Variants in USP36 observed in about 807,000 individuals in gnomAD.
USP36 encodes the protein ubiquitin specific peptidase 36, also known as ubiquitin carboxyl-terminal hydrolase 36.
Under a neutral mutation model 111.5 loss-of-function variants are expected in USP36, and 59 were observed. The observed-to-expected ratio is 0.53, with a 90% CI of 0.43 to 0.66. The LOEUF (loss-of-function observed/expected upper bound fraction) is 0.66, where lower values mean the gene tolerates loss of function less well. USP36 is among the 30% of genes least tolerant of loss of function. The pLI is 0.00. For synonymous variants in USP36, 628 were observed against 581.0 expected, an observed-to-expected ratio of 1.08 and a Z score of -1.16; for missense variants, 1,488 against 1,468.0, an observed-to-expected ratio of 1.01 and a Z score of -0.22.
At chr17:78,801,976 G>GGGTCCCA (rs1385095710) in intron 17 of USP36, among the ~76,000 whole-genome samples, 2 of 152,084 alleles carry the variant, frequency 1.3e-5, no homozygotes, top group East Asian at 3.9e-4. Context: ...AAGGTTGGTA[G>GGGTCCCA]GGTCCCAGGG....
chr17:78,817,783 T>C (rs552741241), intron 10 of USP36, among the ~76,000 whole-genome samples: 1 of 151,208 alleles, frequency 6.6e-6, no homozygotes, highest in Admixed American at 6.6e-5. Context: ...ACATCTTCTA[T>C]GAAAATGCCA....
chr17:78,789,197 CAAAAAAAAAAAAAA>C (rs869247026), intron 3 of USP36, among the ~76,000 whole-genome samples: 8 of 65,904 alleles, frequency 1.2e-4, no homozygotes, highest in Non-Finnish European at 2.0e-4. Flanking sequence ...AACTTGGTCC[CAAAAAAAAAAAAAA>C]AAAAAAAAAG....
chr17:78,823,165 G>A (rs1034988480), intron 6 of USP36: 7 of 398,556 alleles, frequency 1.8e-5, no homozygotes, highest in Non-Finnish European at 3.1e-5. Flanking sequence ...GACCAATACA[G>A]GATCATTCAA....
Position 78,818,796 on chromosome 17 carries a change from A to C in USP36, c.912-18T>G, listed in dbSNP as rs369604331. The C allele has an allele frequency of 1.2e-6, 2 of 1,612,590 alleles. No homozygotes were observed. The highest frequency in any genetic ancestry group is 2.7e-5 in the African/African-American group (2 of 74,880). On this transcript the variant is annotated intron_variant, in intron 9 of 20. Coordinates refer to ENST00000449938, the MANE Select transcript of USP36 (RefSeq NM_001385174.1). ...TCTTGCATCTATGAAGAAGGTGATG[A>C]GAAAGATTAATGAATGATTGATTCG...
chr17:78,816,228 T>C (rs1273980770), intron 10 of USP36, among the ~76,000 whole-genome samples: 2 of 151,820 alleles, frequency 1.3e-5, no homozygotes, highest in South Asian at 4.2e-4. Flanking sequence ...GGTACATTCA[T>C]AGCTCACTGT....
intron 6 of USP36, among the ~76,000 whole-genome samples, chr17:78,824,615 T>C (rs1309400553): frequency 6.6e-6 from 1 of 151,936 alleles, no homozygotes; most frequent in Non-Finnish European, 1.5e-5. Flanking sequence ...CCAAAGAAAT[T>C]TGAGAAATAA....
chr17:78,827,016 G>A (rs548069811), intron 6 of USP36: 49 of 669,170 alleles, frequency 7.3e-5, no homozygotes, highest in African/African-American at 3.5e-4. Context: ...CTACCAAGCC[G>A]CCCCGGACCA....
chr17:78,792,629 A>G (rs1254932122), downstream of USP36, among the ~76,000 whole-genome samples: 2 of 152,158 alleles, frequency 1.3e-5, no homozygotes, highest in Non-Finnish European at 2.9e-5. Flanking sequence ...AGCCCCTGGC[A>G]ATTCTGGTGC....
At chr17:78,833,644 C>T (rs2068364326) in intron 4 of USP36, among the ~76,000 whole-genome samples, 1 of 152,222 alleles carries the variant, frequency 6.6e-6, no homozygotes, top group African/African-American at 2.4e-5. Flanking sequence ...GGCTCCTGAG[C>T]TGTGTTTTCA....
In USP36 at chr17:78,796,716, G is replaced by A. The variant is rs58206259; in HGVS notation, c.*1184C>T. 831 of 152,436 alleles carry A rather than the reference G, an allele frequency of 5.5e-3. 33 individuals are homozygous for A. The East Asian group carries it at 0.1, about 19-fold the overall frequency. 9.4% of individuals were successfully genotyped at this position (152,436 alleles called of 1,614,324 possible). On this transcript the variant is annotated 3_prime_UTR_variant, in exon 21 of 21. Coordinates refer to ENST00000449938, the MANE Select transcript of USP36 (RefSeq NM_001385174.1). ...ACAGCAGGATGCCTCTGGCCCAGCAGAGCCACACTGAAGGAGGTCTAAGTC... is the reference window on the plus strand; with the variant it reads ...ACAGCAGGATGCCTCTGGCCCAGCAAAGCCACACTGAAGGAGGTCTAAGTC...
chr17:78,838,455 G>A (rs1266852254), intron 2 of USP36, 132 bp downstream of exon 2: 1 of 151,538 alleles, frequency 6.6e-6, no homozygotes, highest in African/African-American at 2.4e-5. Flanking sequence ...TAAGTTGTCT[G>A]ATTTGAGAAA....
rs898890193 is a variant in USP36 at position 78,802,508 on chromosome 17, T to G, written c.2838A>C (p.Pro946=). 2 of 1,607,562 alleles carry G rather than the reference T, an allele frequency of 1.2e-6. No individual in the cohort carries two copies. The highest frequency in any genetic ancestry group is 1.7e-6 in the Non-Finnish European group (2 of 1,179,848). The change falls in exon 17 of 21, where the codon CCA becomes CCC. Residue 946 remains proline (P), a synonymous_variant. Coordinates refer to ENST00000449938, the MANE Select transcript of USP36 (RefSeq NM_001385174.1). ...TCCTTGGAGACTCTTCCATGGCCTCTGGATCACCATCACCCATGGGAGAGC... is the reference window on the plus strand; with the variant it reads ...TCCTTGGAGACTCTTCCATGGCCTCGGGATCACCATCACCCATGGGAGAGC... ...HSCSPMGDGD[P]EAMEESPRKK... is the part of the protein sequence containing the mutation.
intron 18 of USP36, 70 bp from the exon 19 acceptor site, chr17:78,799,093 G>A: frequency 6.9e-7 from 1 of 1,441,192 alleles, no homozygotes. Context: ...CTTCAAGAGT[G>A]TCATTTACCA....
In USP36 at chr17:78,828,830, A is replaced by C. The variant is rs2067817545; in HGVS notation, c.586+67T>G. ...GACCAGCCTGGGCAACATAGCGAGAACCCCATCTCTACAAAAAATTAAAAA... is the reference window on the plus strand; with the variant it reads ...GACCAGCCTGGGCAACATAGCGAGACCCCCATCTCTACAAAAAATTAAAAA... On this transcript the variant is annotated intron_variant, in intron 5 of 20. Transcript: ENST00000449938. The C allele has an allele frequency of 4.7e-6, 7 of 1,479,120 alleles. No individual in the cohort carries two copies. The Admixed American group carries it at 1.3e-4, about 28-fold the overall frequency. 91.6% of individuals were successfully genotyped at this position (1,479,120 alleles called of 1,614,324 possible).
intron 14 of USP36, 103 bp from the exon 15 acceptor site, chr17:78,806,389 G>T: frequency 2.7e-6 from 4 of 1,498,860 alleles, no homozygotes; most frequent in Non-Finnish European, 3.6e-6. Flanking sequence ...AAACAAAAGA[G>T]CCCAGAAAAA....
At chr17:78,801,001 G>T (rs1407772511) in intron 17 of USP36, among the ~76,000 whole-genome samples, 1 of 138,188 alleles carries the variant, frequency 7.2e-6, no homozygotes, top group African/African-American at 2.7e-5. Flanking sequence ...TTTTGAGACG[G>T]AGTCTCACTC....
At chr17:78,839,846 G>A (rs2069081173) in intron 1 of USP36, among the ~76,000 whole-genome samples, 1 of 152,182 alleles carries the variant, frequency 6.6e-6, no homozygotes, top group South Asian at 2.1e-4. Flanking sequence ...AACTCAGGAA[G>A]GATGCTCTCT....
chr17:78,794,783 G>A (rs2093609275), downstream of USP36, among the ~76,000 whole-genome samples: 1 of 152,058 alleles, frequency 6.6e-6, no homozygotes, highest in Non-Finnish European at 1.5e-5. Context: ...TGAGGCAAGC[G>A]GATCACAAGG....
intron 17 of USP36, 90 bp from the exon 18 acceptor site, chr17:78,799,858 A>C: frequency 1.6e-6 from 1 of 632,034 alleles, no homozygotes; most frequent in Non-Finnish European, 2.5e-6. Context: ...AAAACAACTT[A>C]CAGTAAGTGG....
Sources: gnomAD v4.1 joint callset for allele counts (sites outside exome capture counted in the v4.1 genomes callset) on GRCh38, gnomAD v4.1.1 for gene constraint, MANE v1.5 for transcripts, NCBI Gene and HGNC (gene_info 2026-07-23, HGNC 2026-07-21) for gene names.